Variants in UPRT observed in about 807,000 individuals in gnomAD.
The protein encoded by UPRT is uracil phosphoribosyltransferase homolog, also known as RP11-311P8.3.
A neutral mutation model predicts 22.6 loss-of-function variants in UPRT; 5 were observed. That is an observed-to-expected ratio of 0.22 (90% confidence interval 0.12 to 0.47). The LOEUF is 0.47. Among genes scored for constraint, UPRT ranks in the 20% least tolerant of loss-of-function variants. UPRT has a pLI of 0.99. For missense variants in UPRT, 181 were observed against 239.9 expected (o/e 0.75, Z 1.62); for synonymous variants, 77 against 87.7 (o/e 0.88, Z 0.68).
At chrX:75,239,428 A>T (rs1346153378) in intron 4 of UPRT, among the ~76,000 whole-genome samples, 1 of 111,237 alleles carries the variant, frequency 9.0e-6, no homozygotes, top group Non-Finnish European at 1.9e-5. Flanking sequence ...ATATACCAAT[A>T]ATAAGTAGCA....
intron 4 of UPRT, among the ~76,000 whole-genome samples, chrX:75,209,649 A>T (rs1360824207): frequency 8.9e-6 from 1 of 112,592 alleles, no homozygotes; most frequent in East Asian, 2.8e-4. Flanking sequence ...CTGGAATTAC[A>T]GGCATGAGCT....
Position 75,234,986 on chromosome X carries a change from A to G in UPRT, c.-446-56038A>G, listed in dbSNP as rs1284503575. On this transcript the variant is annotated intron_variant, in intron 4 of 13. Transcript: ENST00000652605. ...ACACAAAAAACCCTTCAAAAAATCA[A>G]TGAATCCAGGAGCTGGTTTTTTGAA... is the stretch of plus-strand genomic sequence containing the variant. 7.1e-4 allele frequency among the ~76,000 whole-genome samples: 79 copies of G among 111,972 alleles called. 1 individual carries two copies. The highest frequency in any genetic ancestry group is 1.4e-3 in the Non-Finnish European group (72 of 53,222).
intron 1 of UPRT, among the ~76,000 whole-genome samples, chrX:75,277,253 A>G (rs922785457): frequency 1.8e-5 from 2 of 111,486 alleles, no homozygotes; most frequent in African/African-American, 6.5e-5. Flanking sequence ...TAGATTTCAC[A>G]AAGTGTCATG....
intron 4 of UPRT, among the ~76,000 whole-genome samples, chrX:75,237,806 G>A (rs2082473453): frequency 1.4e-5 from 1 of 72,891 alleles, no homozygotes; most frequent in Non-Finnish European, 2.5e-5. Flanking sequence ...TGTGGGGTGG[G>A]GGGAGGGGGG....
intron 1 of UPRT, among the ~76,000 whole-genome samples, chrX:75,159,705 C>T (rs968054752): frequency 1.0e-4 from 11 of 109,752 alleles, no homozygotes; most frequent in African/African-American, 3.6e-4. Context: ...CAAAGAAAAA[C>T]GTAATCACCA....
At chrX:75,290,321 G>A (rs1343969144) in intron 1 of UPRT, among the ~76,000 whole-genome samples, 1 of 108,276 alleles carries the variant, frequency 9.2e-6, no homozygotes, top group African/African-American at 3.6e-5. Flanking sequence ...TGGCAAGGCT[G>A]TGTAGAAAAG....
At chrX:75,169,273 C>A (rs774241040) in intron 4 of UPRT, among the ~76,000 whole-genome samples, 10 of 111,914 alleles carry the variant, frequency 8.9e-5, no homozygotes, top group African/African-American at 2.9e-4. Context: ...ATAATGACTT[C>A]TTTTCCTCTG....
chrX:75,238,561 GTCA>G (rs1241481107), intron 4 of UPRT, among the ~76,000 whole-genome samples: 1 of 111,548 alleles, frequency 9.0e-6, no homozygotes, highest in Non-Finnish European at 1.9e-5. Context: ...CACTAGACAG[GTCA>G]TCAAGACAGA....
At chrX:75,273,324 A>T (rs1430286700), upstream of UPRT, among the ~76,000 whole-genome samples, 1 of 109,651 alleles carries the variant, frequency 9.1e-6, no homozygotes, top group Non-Finnish European at 1.9e-5. Flanking sequence ...CCCTGAACTT[A>T]AAAGTTAAAA....
chrX:75,247,516 G>T (rs1345713734), intron 4 of UPRT, among the ~76,000 whole-genome samples: 1 of 111,740 alleles, frequency 8.9e-6, no homozygotes, highest in Non-Finnish European at 1.9e-5. Flanking sequence ...ACTGCAAAGC[G>T]GCAGTGAGGC....
chrX:75,234,970 A>T (rs1388763829), intron 4 of UPRT, among the ~76,000 whole-genome samples: 2 of 111,708 alleles, frequency 1.8e-5, no homozygotes, highest in Non-Finnish European at 3.8e-5. Context: ...GACACAAAAA[A>T]CCCTTCAAAA....
chrX:75,162,106 C>CT (rs5902736), intron 2 of UPRT, among the ~76,000 whole-genome samples: 34 of 78,961 alleles, frequency 4.3e-4, no homozygotes, highest in African/African-American at 1.3e-3. Flanking sequence ...TCTTTCTTTT[C>CT]TTTTTTTTTT....
chrX:75,241,746 C>T (rs1009010194), intron 4 of UPRT, among the ~76,000 whole-genome samples: 2 of 111,580 alleles, frequency 1.8e-5, no homozygotes, highest in Non-Finnish European at 3.8e-5. Flanking sequence ...AGCCATGTAA[C>T]GGAATGAATC....
intron 4 of UPRT, among the ~76,000 whole-genome samples, chrX:75,195,199 C>T (rs913611133): frequency 5.3e-5 from 6 of 112,454 alleles, no homozygotes; most frequent in African/African-American, 1.9e-4. Context: ...GGCCACTCTG[C>T]TGGAGCTCTT....
At chrX:75,226,213 C>A (rs1439124280) in intron 4 of UPRT, among the ~76,000 whole-genome samples, 4 of 111,200 alleles carry the variant, frequency 3.6e-5, no homozygotes, top group Non-Finnish European at 7.5e-5. Context: ...ACTTCTCACC[C>A]CCTGCAGCCA....
At chrX:75,213,863 C>T (rs2082385955) in intron 4 of UPRT, among the ~76,000 whole-genome samples, 1 of 111,975 alleles carries the variant, frequency 8.9e-6, no homozygotes, top group South Asian at 3.7e-4. Context: ...GGAATAGATA[C>T]ATTCACTATT....
intron 4 of UPRT, among the ~76,000 whole-genome samples, chrX:75,208,288 G>A (rs1285888027): frequency 9.0e-6 from 1 of 111,391 alleles, no homozygotes; most frequent in Non-Finnish European, 1.9e-5. Context: ...AGATGGAGGG[G>A]CTACAGAGAA....
intron 4 of UPRT, among the ~76,000 whole-genome samples, chrX:75,220,685 C>T (rs1034526816): frequency 1.7e-4 from 19 of 111,598 alleles, no homozygotes; most frequent in African/African-American, 6.2e-4. Context: ...AAATGAGAAG[C>T]AATGAAAAAA....
At chrX:75,272,403 T>G (rs1458599119), upstream of UPRT, among the ~76,000 whole-genome samples, 1 of 102,034 alleles carries the variant, frequency 9.8e-6, no homozygotes, top group Non-Finnish European at 2.0e-5. Flanking sequence ...TACTCAGCCA[T>G]AAAAAGGAAT....
Sources: allele counts gnomAD v4.1 joint callset (sites outside exome capture counted in the v4.1 genomes callset), GRCh38; gene constraint gnomAD v4.1.1; transcripts MANE v1.5; gene names NCBI Gene and HGNC (gene_info 2026-07-23, HGNC 2026-07-21).